The following STEAP1B variants were observed in gnomAD, a reference collection of about 807,000 sequenced individuals.
STEAP1B encodes the protein STEAP family protein MGC87042.
Under a neutral mutation model 27.9 loss-of-function variants are expected in STEAP1B, and 13 were observed. The ratio of observed to expected loss-of-function variants is 0.47; its 90% confidence interval spans 0.30 to 0.74. The LOEUF is 0.74. Among genes scored for constraint, STEAP1B ranks in the 30% least tolerant of loss-of-function variants. The probability of loss-of-function intolerance (pLI) is 0.06; values close to 1 mark genes in which losing one functional copy is unlikely to be tolerated. For missense variants in STEAP1B, 250 were observed against 298.7 expected (o/e 0.84, Z 1.20); for synonymous variants, 86 against 107.1 (o/e 0.80, Z 1.22).
chr7:22,484,820 A>T (rs10268967), intron 4 of STEAP1B, among the ~76,000 whole-genome samples: 1 of 152,150 alleles, frequency 6.6e-6, no homozygotes, highest in African/African-American at 2.4e-5. Context: ...CATTCATAGG[A>T]GTTTAGAAGA....
chr7:22,487,872 CA>C (rs2128415955), intron 4 of STEAP1B, among the ~76,000 whole-genome samples: 1 of 149,432 alleles, frequency 6.7e-6, no homozygotes, highest in South Asian at 2.2e-4. Flanking sequence ...ATTGCCTTTC[CA>C]AAAGAGAAAA....
intron 1 of STEAP1B, 90 bp from the exon 2 acceptor site, chr7:22,494,976 G>T: frequency 1.6e-6 from 1 of 609,070 alleles, no homozygotes; most frequent in South Asian, 2.8e-5. Context: ...CTTGCTTAAA[G>T]ACTAGAATGG....
chr7:22,451,810 A>G (rs987480959), intron 4 of STEAP1B, among the ~76,000 whole-genome samples: 2 of 152,218 alleles, frequency 1.3e-5, no homozygotes, highest in Non-Finnish European at 2.9e-5. Context: ...GGATTTTTGC[A>G]GCAATATTCA....
intron 4 of STEAP1B, among the ~76,000 whole-genome samples, chr7:22,481,048 A>C (rs2051960): frequency 1 from 151,669 of 152,368 alleles, 75,489 homozygotes; most frequent in Middle Eastern, 1. Flanking sequence ...TGCCACAGAT[A>C]CATCCAAAGG....
intron 4 of STEAP1B, among the ~76,000 whole-genome samples, chr7:22,425,260 T>A (rs962147776): frequency 2.0e-5 from 3 of 152,234 alleles, no homozygotes; most frequent in African/African-American, 7.2e-5. Context: ...GTACTGTTCA[T>A]ATACTTTTTA....
chr7:22,456,952 C>CTATATATATATATATA (rs199847360), intron 4 of STEAP1B, among the ~76,000 whole-genome samples: 36 of 73,208 alleles, frequency 4.9e-4, no homozygotes, highest in Admixed American at 1.1e-3. Context: ...GGATAGGCAG[C>CTATATATATATATATA]TATATATATA....
chr7:22,479,778 G>A (rs1271977487), intron 4 of STEAP1B, among the ~76,000 whole-genome samples: 4 of 143,244 alleles, frequency 2.8e-5, no homozygotes, highest in Non-Finnish European at 3.0e-5. Flanking sequence ...TCCACCTCCC[G>A]GATTTAAGTG....
intron 4 of STEAP1B, among the ~76,000 whole-genome samples, chr7:22,491,778 T>A (rs967133441): frequency 6.6e-6 from 1 of 152,070 alleles, no homozygotes; most frequent in Non-Finnish European, 1.5e-5. Context: ...ACCTTTTAAG[T>A]GTGAGGACCC....
chr7:22,464,783 A>G (rs1583644134), intron 4 of STEAP1B, among the ~76,000 whole-genome samples: 1 of 149,320 alleles, frequency 6.7e-6, no homozygotes, highest in African/African-American at 2.5e-5. Flanking sequence ...TGGTCTTGAA[A>G]CTCCAGCCTC....
intron 4 of STEAP1B, among the ~76,000 whole-genome samples, chr7:22,490,225 CTA>C (rs1436223924): frequency 6.6e-6 from 1 of 151,964 alleles, no homozygotes; most frequent in Non-Finnish European, 1.5e-5. Context: ...TATTAAAACA[CTA>C]TTTTCCTGGT....
chr7:22,488,499 A>T (rs73684100), intron 4 of STEAP1B, among the ~76,000 whole-genome samples: 1 of 152,082 alleles, frequency 6.6e-6, no homozygotes, highest in East Asian at 1.9e-4. Flanking sequence ...AGTGGACCCC[A>T]CCCTCATCCT....
intron 4 of STEAP1B, among the ~76,000 whole-genome samples, chr7:22,475,449 G>T (rs1031273275): frequency 4.6e-5 from 7 of 152,212 alleles, no homozygotes; most frequent in African/African-American, 1.7e-4. Context: ...ACAGCTCACT[G>T]TAACCTTGAA....
chr7:22,498,247 G>A (rs933973178), intron 1 of STEAP1B, among the ~76,000 whole-genome samples: 4 of 151,856 alleles, frequency 2.6e-5, no homozygotes, highest in Non-Finnish European at 5.9e-5. Flanking sequence ...ACCAAGGGGG[G>A]ATGGTGTTAA....
Position 22,419,998 on chromosome 7 carries a change from G to A in STEAP1B, c.763-162C>T, listed in dbSNP as rs118063291. On this transcript the variant is annotated intron_variant, in intron 4 of 4. Coordinates refer to ENST00000678116, the MANE Select transcript of STEAP1B (RefSeq NM_001382447.1). ...GCAAAGCTAGGCCTAGAATTCTGGCGTGGTCTTTCCTCGGGCCTAGAATTC... is the reference window on the plus strand; with the variant it reads ...GCAAAGCTAGGCCTAGAATTCTGGCATGGTCTTTCCTCGGGCCTAGAATTC... Among the ~76,000 whole-genome samples the A allele has an allele frequency of 9.9e-3, 1,511 of 152,280 alleles. 16 individuals carry two copies. Among genetic ancestry groups the A allele is most frequent in the South Asian group, 0.066 (317 of 4,820 alleles).
chr7:22,477,999 C>T (rs1244948436), intron 4 of STEAP1B, among the ~76,000 whole-genome samples: 1 of 152,132 alleles, frequency 6.6e-6, no homozygotes, highest in Non-Finnish European at 1.5e-5. Context: ...CTGTGCTGCT[C>T]AGCTGAACCC....
intron 4 of STEAP1B, among the ~76,000 whole-genome samples, chr7:22,420,600 C>T (rs1426674988): frequency 6.6e-6 from 1 of 152,232 alleles, no homozygotes; most frequent in Non-Finnish European, 1.5e-5. Context: ...CCCGGCATAT[C>T]ATGGCTTCTG....
chr7:22,429,564 T>C (rs1785152346), intron 4 of STEAP1B, among the ~76,000 whole-genome samples: 2 of 152,224 alleles, frequency 1.3e-5, no homozygotes, highest in Admixed American at 6.5e-5. Context: ...AAGTGACTCA[T>C]GGCCAGGTGA....
intron 4 of STEAP1B, among the ~76,000 whole-genome samples, chr7:22,458,463 T>C (rs895660390): frequency 6.6e-6 from 1 of 152,176 alleles, no homozygotes; most frequent in African/African-American, 2.4e-5. Flanking sequence ...ATCCAACACA[T>C]TTTTTCCCAT....
intron 4 of STEAP1B, among the ~76,000 whole-genome samples, chr7:22,488,579 G>A (rs547427695): frequency 6.6e-6 from 1 of 152,282 alleles, no homozygotes; most frequent in Admixed American, 6.5e-5. Context: ...CAGACCCAGT[G>A]GGGAATTTAA....
Sources: allele counts gnomAD v4.1 joint callset (sites outside exome capture counted in the v4.1 genomes callset), GRCh38; gene constraint gnomAD v4.1.1; transcripts MANE v1.5; gene names NCBI Gene and HGNC (gene_info 2026-07-23, HGNC 2026-07-21).